Variants in EPB41L2 observed in about 807,000 individuals in gnomAD.
EPB41L2 encodes the protein erythrocyte membrane protein band 4.1 like 2, also known as band 4.1-like protein 2.
In EPB41L2, 43 loss-of-function variants were observed where a neutral mutation model predicts 113.0. The observed-to-expected ratio is 0.38, with a 90% CI of 0.30 to 0.49. The LOEUF (loss-of-function observed/expected upper bound fraction) is 0.49. EPB41L2 is among the 20% of genes least tolerant of loss of function. EPB41L2 has a pLI of 0.95. For synonymous variants in EPB41L2, 442 were observed against 436.7 expected, an observed-to-expected ratio of 1.01 and a Z score of -0.15; for missense variants, 1,147 against 1,223.4, an observed-to-expected ratio of 0.94 and a Z score of 0.93.
chr6:131,034,262 T>C (rs1168864889), intron 1 of EPB41L2, among the ~76,000 whole-genome samples: 1 of 152,024 alleles, frequency 6.6e-6, no homozygotes, highest in Non-Finnish European at 1.5e-5. Context: ...ATAAACATAT[T>C]GGGGGTTGGG....
At chr6:130,948,875 AT>A (rs1432843265) in intron 3 of EPB41L2, among the ~76,000 whole-genome samples, 3 of 152,238 alleles carry the variant, frequency 2.0e-5, no homozygotes, top group African/African-American at 7.2e-5. Context: ...CTAGCCTCAA[AT>A]TTTGTAAAGC....
At chr6:131,013,366 A>G (rs1787492027) in intron 1 of EPB41L2, among the ~76,000 whole-genome samples, 1 of 152,216 alleles carries the variant, frequency 6.6e-6, no homozygotes, top group African/African-American at 2.4e-5. Flanking sequence ...CTATAATAAA[A>G]GCAAAATATA....
At chr6:131,010,870 G>T (rs538974507) in intron 1 of EPB41L2, among the ~76,000 whole-genome samples, 10 of 152,186 alleles carry the variant, frequency 6.6e-5, no homozygotes, top group Admixed American at 1.3e-4. Context: ...ACACTAGCCT[G>T]CCAGCCTCCT....
chr6:130,899,674 G>A (rs1261974362), intron 7 of EPB41L2, 96 bp from the exon 8 acceptor site: 5 of 1,173,868 alleles, frequency 4.3e-6, no homozygotes, highest in Non-Finnish European at 6.2e-6. Flanking sequence ...GTTTGGAGGA[G>A]AGAAAGTTAC....
intron 1 of EPB41L2, chr6:130,978,715 A>G (rs1407726466): frequency 6.6e-6 from 1 of 152,244 alleles, no homozygotes; most frequent in East Asian, 1.9e-4. Flanking sequence ...TGCTGAGGAC[A>G]CAGACCTGTA....
intron 3 of EPB41L2, among the ~76,000 whole-genome samples, chr6:130,952,292 C>A (rs1270215729): frequency 1.4e-5 from 2 of 141,776 alleles, no homozygotes; most frequent in Non-Finnish European, 3.2e-5. Flanking sequence ...TCTAGCAATT[C>A]CGCCACTAGG....
At chr6:130,994,259 C>T (rs539805623) in intron 1 of EPB41L2, among the ~76,000 whole-genome samples, 11 of 152,202 alleles carry the variant, frequency 7.2e-5, no homozygotes, top group African/African-American at 2.4e-4. Context: ...GAACCAGGGG[C>T]GGTTAGATCT....
chr6:131,000,803 G>A (rs1211423761), intron 1 of EPB41L2: 1 of 152,200 alleles, frequency 6.6e-6, no homozygotes, highest in African/African-American at 2.4e-5. Flanking sequence ...TAAGTCAGAG[G>A]GGCCCAGCCC....
intron 5 of EPB41L2, among the ~76,000 whole-genome samples, chr6:130,908,108 C>A (rs1317159416): frequency 6.6e-6 from 1 of 152,176 alleles, no homozygotes; most frequent in East Asian, 1.9e-4. Flanking sequence ...TATCATGTTT[C>A]TTGGCACAGA....
chr6:130,840,838 A>G (rs976210892), intron 19 of EPB41L2, among the ~76,000 whole-genome samples: 1 of 152,218 alleles, frequency 6.6e-6, no homozygotes, highest in Admixed American at 6.5e-5. Flanking sequence ...GGCAAATAAG[A>G]GTTCACTGCA....
At chr6:130,917,767 T>TC (rs761244302) in intron 4 of EPB41L2, among the ~76,000 whole-genome samples, 3 of 152,012 alleles carry the variant, frequency 2.0e-5, no homozygotes, top group Non-Finnish European at 4.4e-5. Flanking sequence ...ACAGTTCCTT[T>TC]CCCCCCAAAA....
chr6:130,956,357 C>T lies in EPB41L2; in HGVS notation c.129G>A (p.Glu43=), dbSNP rs1238045407. 1 of 1,614,030 alleles carries T rather than the reference C, an allele frequency of 6.2e-7. No homozygotes were observed. The highest frequency in any genetic ancestry group is 8.5e-7 in the Non-Finnish European group (1 of 1,180,046). The part of the protein sequence containing the change: ...NQQNQSSDPE[E]EKGSQPPPAA... ...CAGGAGGTGGCTGGGAACCTTTTTC[C>T]TCCTCTGGATCGGAAGACTGATTCT... The change falls in exon 2 of 20, where the codon GAG becomes GAA. Residue 43 remains glutamate (E), a synonymous_variant. Coordinates refer to ENST00000337057, the MANE Select transcript of EPB41L2 (RefSeq NM_001431.4).
At chr6:131,042,760 A>G (rs2128185615) in intron 1 of EPB41L2, among the ~76,000 whole-genome samples, 1 of 152,332 alleles carries the variant, frequency 6.6e-6, no homozygotes, top group African/African-American at 2.4e-5. Flanking sequence ...TAGAAAAATC[A>G]AGACTGATTT....
intron 19 of EPB41L2, among the ~76,000 whole-genome samples, chr6:130,841,252 C>T (rs1459757548): frequency 6.9e-6 from 1 of 145,814 alleles, no homozygotes; most frequent in African/African-American, 2.5e-5. Context: ...TAAGAAAAAA[C>T]ATTTGGACGA....
intron 1 of EPB41L2, among the ~76,000 whole-genome samples, chr6:131,013,001 G>T (rs1437490851): frequency 6.6e-6 from 1 of 152,028 alleles, no homozygotes; most frequent in Non-Finnish European, 1.5e-5. Flanking sequence ...CCAAATCCCG[G>T]TTCCAACTAT....
chr6:130,982,165 T>C (rs1422418337), intron 1 of EPB41L2, among the ~76,000 whole-genome samples: 2 of 152,000 alleles, frequency 1.3e-5, no homozygotes, highest in Admixed American at 6.6e-5. Flanking sequence ...AGAAACACAA[T>C]TTAGGAAACC....
At chr6:130,932,349 C>T in intron 3 of EPB41L2, among the ~76,000 whole-genome samples, 1 of 150,476 alleles carries the variant, frequency 6.6e-6, no homozygotes. Context: ...AACTTGAATT[C>T]TACTGTATAA....
At chr6:130,981,448 T>C (rs1362873872) in intron 1 of EPB41L2, among the ~76,000 whole-genome samples, 1 of 152,146 alleles carries the variant, frequency 6.6e-6, no homozygotes, top group Non-Finnish European at 1.5e-5. Context: ...AATGCCAGTT[T>C]AAAAGACAAG....
At chr6:130,958,004 T>C (rs753267782) in intron 1 of EPB41L2, among the ~76,000 whole-genome samples, 64 of 152,238 alleles carry the variant, frequency 4.2e-4, no homozygotes, top group Non-Finnish European at 8.4e-4. Flanking sequence ...ACATCTAATA[T>C]GCAACCACAA....
Sources: allele counts gnomAD v4.1 joint callset (sites outside exome capture counted in the v4.1 genomes callset), GRCh38; gene constraint gnomAD v4.1.1; transcripts MANE v1.5; gene names NCBI Gene and HGNC (gene_info 2026-07-23, HGNC 2026-07-21).